Variants in PPM1L observed in about 807,000 individuals in gnomAD.
PPM1L encodes protein phosphatase, Mg2+/Mn2+ dependent 1L.
In PPM1L, 13 loss-of-function variants were observed where a neutral mutation model predicts 31.4. That is an observed-to-expected ratio of 0.41 (90% CI 0.27 to 0.66). The LOEUF (loss-of-function observed/expected upper bound fraction) is 0.66. PPM1L is among the 30% of genes least tolerant of loss of function. The pLI is 0.29. For synonymous variants in PPM1L, 184 were observed against 175.4 expected, an observed-to-expected ratio of 1.05 and a Z score of -0.39; for missense variants, 326 against 453.7, an observed-to-expected ratio of 0.72 and a Z score of 2.56.
chr3:160,952,981 G>C (rs1226675726), intron 1 of PPM1L, among the ~76,000 whole-genome samples: 1 of 152,134 alleles, frequency 6.6e-6, no homozygotes, highest in Non-Finnish European at 1.5e-5. Context: ...TTATAAAATT[G>C]TGAAATTTGA....
chr3:160,782,433 G>C lies in PPM1L; in HGVS notation c.399+25726G>C, dbSNP rs533216524. Among the ~76,000 whole-genome samples the C allele has an allele frequency of 1.3e-4, 20 of 152,304 alleles. No homozygotes were observed. In the East Asian group the frequency reaches 1.7e-3, roughly 13 times the overall value. The stretch of plus-strand genomic sequence containing the variant: ...GTGCTTATGAACAACAGACAACTGA[G>C]CACTGTGCAGATTTCTGACTATGTG... On this transcript the variant is annotated intron_variant, in intron 1 of 3. Coordinates refer to ENST00000498165, the MANE Select transcript of PPM1L (RefSeq NM_139245.4).
intron 1 of PPM1L, among the ~76,000 whole-genome samples, chr3:160,807,903 T>A (rs1712650858): frequency 6.6e-6 from 1 of 152,044 alleles, no homozygotes; most frequent in Non-Finnish European, 1.5e-5. Flanking sequence ...GTTTTAGAAA[T>A]TAATGTCTAA....
intron 1 of PPM1L, among the ~76,000 whole-genome samples, chr3:160,785,630 T>C (rs958158375): frequency 1.1e-4 from 17 of 152,194 alleles, no homozygotes; most frequent in Admixed American, 2.0e-4. Context: ...TTATGTAAAC[T>C]CTTCTGCACT....
At chr3:160,882,223 CA>C (rs774648236) in intron 1 of PPM1L, 5 of 152,042 alleles carry the variant, frequency 3.3e-5, no homozygotes, top group Non-Finnish European at 5.9e-5. Flanking sequence ...ATTTCTTCTG[CA>C]ATTATTTATT....
At chr3:160,920,617 A>T (rs1823206) in intron 1 of PPM1L, among the ~76,000 whole-genome samples, 7,391 of 34,286 alleles carry the variant, frequency 0.22, 559 homozygotes, top group African/African-American at 0.37. Flanking sequence ...TCTCTCTCTC[A>T]CACACACACA....
intron 1 of PPM1L, among the ~76,000 whole-genome samples, chr3:160,955,084 C>T (rs1257874036): frequency 1.3e-5 from 2 of 151,714 alleles, no homozygotes; most frequent in South Asian, 2.1e-4. Context: ...GATCTCTGCT[C>T]ACTGCAACCT....
intron 2 of PPM1L, among the ~76,000 whole-genome samples, chr3:160,978,981 A>G (rs527796148): frequency 1.3e-5 from 2 of 152,198 alleles, no homozygotes; most frequent in South Asian, 4.1e-4. Flanking sequence ...AATACTCTCT[A>G]TATTGAACAT....
intron 2 of PPM1L, among the ~76,000 whole-genome samples, chr3:160,964,171 T>G (rs906294575): frequency 6.6e-6 from 1 of 151,994 alleles, no homozygotes; most frequent in Non-Finnish European, 1.5e-5. Context: ...CAGCTGACCC[T>G]TGCACAACAT....
At chr3:160,803,125 G>GTGCTATTTT (rs1712484176) in intron 1 of PPM1L, among the ~76,000 whole-genome samples, 1 of 152,222 alleles carries the variant, frequency 6.6e-6, no homozygotes, top group African/African-American at 2.4e-5. Context: ...ATGCATAAGG[G>GTGCTATTTT]ACATTTAGGG....
In PPM1L at chr3:161,049,376, A is replaced by C. The variant is rs373151756; in HGVS notation, c.575-16027A>C. On this transcript the variant is annotated intron_variant, in intron 2 of 3. Coordinates refer to ENST00000498165, the MANE Select transcript of PPM1L (RefSeq NM_139245.4). ...AACATGATGCTTAAAGGAAATGCTC[A>C]TTCGAGCATTTTGGATTTTGGATTT... is the stretch of plus-strand genomic sequence containing the variant. 8.0e-4 allele frequency among the ~76,000 whole-genome samples: 122 copies of C among 152,326 alleles called. 1 individual carries two copies. The South Asian group carries it at 9.1e-3, about 11-fold the overall frequency.
intron 1 of PPM1L, chr3:160,939,823 G>T: frequency 6.3e-6 from 1 of 158,838 alleles, no homozygotes; most frequent in Non-Finnish European, 1.4e-5. Flanking sequence ...GTGGGGTGTT[G>T]CTGAAAAGGT....
intron 1 of PPM1L, among the ~76,000 whole-genome samples, chr3:160,897,000 T>C (rs1713354879): frequency 6.6e-6 from 1 of 151,964 alleles, no homozygotes; most frequent in Non-Finnish European, 1.5e-5. Flanking sequence ...TGATTGCTAG[T>C]CTAGTCACAG....
rs560065275 is a variant in PPM1L, at chr3:160,970,355, T to C, written c.574+8445T>C. Among the ~76,000 whole-genome samples the C allele has an allele frequency of 3.9e-5, 6 of 152,214 alleles. No individual in the cohort carries two copies. The South Asian group carries it at 8.3e-4, about 21-fold the overall frequency. On this transcript the variant is annotated intron_variant, in intron 2 of 3. Coordinates refer to ENST00000498165, the MANE Select transcript of PPM1L (RefSeq NM_139245.4). Reference sequence around the variant, plus strand: ...AAAATGGGTACTCAAAATCCACTTATAAACTGAGAACTTATTTCTGGCGAT... The same window carrying C: ...AAAATGGGTACTCAAAATCCACTTACAAACTGAGAACTTATTTCTGGCGAT...
chr3:160,970,227 T>C (rs1174816682), intron 2 of PPM1L, among the ~76,000 whole-genome samples: 2 of 152,124 alleles, frequency 1.3e-5, no homozygotes, highest in East Asian at 3.8e-4. Flanking sequence ...CTGTTTCTTA[T>C]CTGTGAAAAA....
At chr3:160,944,837 T>TG (rs1388248462) in intron 1 of PPM1L, among the ~76,000 whole-genome samples, 1 of 62,162 alleles carries the variant, frequency 1.6e-5, no homozygotes, top group African/African-American at 5.1e-5. Context: ...ATAACATATA[T>TG]ATGTTATATA....
chr3:160,930,726 G>A (rs1348831158), intron 1 of PPM1L, among the ~76,000 whole-genome samples: 1 of 152,184 alleles, frequency 6.6e-6, no homozygotes. Flanking sequence ...CAGGAGTGGT[G>A]CATGCTGTGG....
chr3:160,951,797 C>T (rs1001278718), intron 1 of PPM1L, among the ~76,000 whole-genome samples: 1 of 152,202 alleles, frequency 6.6e-6, no homozygotes, highest in Admixed American at 6.5e-5. Context: ...CTTTAGTCTT[C>T]ATATTCAGCC....
At chr3:160,812,992 AT>A (rs1712855256) in intron 1 of PPM1L, among the ~76,000 whole-genome samples, 1 of 152,186 alleles carries the variant, frequency 6.6e-6, no homozygotes, top group Non-Finnish European at 1.5e-5. Flanking sequence ...TTACTTAAAT[AT>A]TCTACAGGGA....
chr3:160,796,022 A>G (rs897168040), intron 1 of PPM1L, among the ~76,000 whole-genome samples: 2 of 152,212 alleles, frequency 1.3e-5, no homozygotes, highest in East Asian at 1.9e-4. Flanking sequence ...CATGGAACCA[A>G]CCAGCAACCA....
Sources: allele counts gnomAD v4.1 joint callset (sites outside exome capture counted in the v4.1 genomes callset), GRCh38; gene constraint gnomAD v4.1.1; transcripts MANE v1.5; gene names NCBI Gene and HGNC (gene_info 2026-07-23, HGNC 2026-07-21).